Variants in LRRC4C observed in about 807,000 individuals in gnomAD.
LRRC4C encodes leucine-rich repeat-containing protein 4C.
In LRRC4C, 5 loss-of-function variants were observed where a neutral mutation model predicts 33.6. That is an observed-to-expected ratio of 0.15 (90% confidence interval 0.08 to 0.31). LRRC4C has a LOEUF of 0.31. Ranked by LOEUF, LRRC4C falls within the 10% of genes least tolerant of loss-of-function variation. The probability of loss-of-function intolerance (pLI) is 1.00; values close to 1 mark genes in which losing one functional copy is unlikely to be tolerated. For synonymous variants in LRRC4C, 329 were observed against 302.0 expected, an observed-to-expected ratio of 1.09 and a Z score of -0.93; for missense variants, 560 against 796.7, an observed-to-expected ratio of 0.70 and a Z score of 3.58.
chr11:41,311,506 C>T (rs149263427), intron 1 of LRRC4C, among the ~76,000 whole-genome samples: 3 of 152,248 alleles, frequency 2.0e-5, no homozygotes, highest in East Asian at 3.9e-4. Flanking sequence ...CTAACTTCCT[C>T]TACTGTATTT....
intron 1 of LRRC4C, among the ~76,000 whole-genome samples, chr11:41,285,469 A>T (rs1009378525): frequency 6.6e-6 from 1 of 152,242 alleles, no homozygotes; most frequent in African/African-American, 2.4e-5. Flanking sequence ...TAATAACATT[A>T]CATCCTTGCC....
chr11:40,218,853 GT>G (rs1864197843), intron 5 of LRRC4C, among the ~76,000 whole-genome samples: 1 of 151,668 alleles, frequency 6.6e-6, no homozygotes, highest in African/African-American at 2.4e-5. Context: ...CACTCACTCT[GT>G]TGCATCCACA....
intron 4 of LRRC4C, among the ~76,000 whole-genome samples, chr11:40,254,044 A>G (rs954543828): frequency 2.6e-5 from 4 of 152,180 alleles, no homozygotes; most frequent in Non-Finnish European, 5.9e-5. Flanking sequence ...TAGATAGTGA[A>G]AACAATTATC....
chr11:40,429,438 C>A (rs1950833131), intron 3 of LRRC4C, among the ~76,000 whole-genome samples: 1 of 152,158 alleles, frequency 6.6e-6, no homozygotes, highest in Non-Finnish European at 1.5e-5. Context: ...GGTATGTAAA[C>A]TTAGTTTCAT....
At chr11:40,226,415 G>A (rs977443105) in intron 5 of LRRC4C, among the ~76,000 whole-genome samples, 2 of 152,242 alleles carry the variant, frequency 1.3e-5, no homozygotes, top group African/African-American at 4.8e-5. Context: ...CCAGAATGCA[G>A]TTGTTGCCTT....
intron 1 of LRRC4C, among the ~76,000 whole-genome samples, chr11:41,168,936 A>G (rs1944849909): frequency 6.6e-6 from 1 of 152,152 alleles, no homozygotes; most frequent in Admixed American, 6.6e-5. Flanking sequence ...ACAATGCCCC[A>G]TGCCAGGAGA....
intron 1 of LRRC4C, among the ~76,000 whole-genome samples, chr11:41,230,994 C>A (rs1947766566): frequency 6.6e-6 from 1 of 151,674 alleles, no homozygotes; most frequent in Non-Finnish European, 1.5e-5. Context: ...ATTTATGCAA[C>A]CAACTGACAC....
intron 3 of LRRC4C, among the ~76,000 whole-genome samples, chr11:40,385,207 A>G (rs983770845): frequency 1.8e-4 from 28 of 152,206 alleles, no homozygotes; most frequent in South Asian, 1.0e-3. Context: ...GATGTCTGAA[A>G]TTTTCCTTCT....
At chr11:41,260,078 C>T (rs1459010509) in intron 1 of LRRC4C, among the ~76,000 whole-genome samples, 1 of 151,864 alleles carries the variant, frequency 6.6e-6, no homozygotes, top group African/African-American at 2.4e-5. Context: ...TATTTTTTGT[C>T]ATTTTTTAAA....
chr11:40,829,714 C>T (rs537355291), intron 2 of LRRC4C, among the ~76,000 whole-genome samples: 8 of 152,016 alleles, frequency 5.3e-5, no homozygotes, highest in Admixed American at 3.3e-4. Context: ...TTCATCAAAT[C>T]GTTAATATTT....
Position 40,385,863 on chromosome 11 carries a change from C to CAAATAAATAAATAAATAAATAAAT in LRRC4C, c.-269-66166_-269-66143dup, listed in dbSNP as rs60952313. Among the ~76,000 whole-genome samples the CAAATAAATAAATAAATAAATAAAT allele has an allele frequency of 5.0e-3, 692 of 138,174 alleles. 6 individuals are homozygous for CAAATAAATAAATAAATAAATAAAT. The highest frequency in any genetic ancestry group is 0.011 in the Middle Eastern group (3 of 278). The allele number at this position is 138,174 out of a possible 152,430, so 90.6% of individuals were successfully genotyped here. A position where few individuals can be genotyped will look rare whatever the true frequency, so the allele number is the denominator to read the frequency against. ...GCCTGGCAACAGAGTGAGACTCTGT[C>CAAATAAATAAATAAATAAATAAAT]AAATAAATAAATAAATAAATAAATA... is the stretch of plus-strand genomic sequence containing the variant. On this transcript the variant is annotated intron_variant, in intron 3 of 6. Transcript: ENST00000528697.
intron 3 of LRRC4C, among the ~76,000 whole-genome samples, chr11:40,346,237 GAC>G (rs1947124257): frequency 6.6e-6 from 1 of 152,090 alleles, no homozygotes; most frequent in African/African-American, 2.4e-5. Flanking sequence ...CTGTTACAAA[GAC>G]ACATGCATTT....
intron 3 of LRRC4C, among the ~76,000 whole-genome samples, chr11:40,515,763 C>A (rs1425908409): frequency 6.6e-6 from 1 of 151,958 alleles, no homozygotes; most frequent in Non-Finnish European, 1.5e-5. Context: ...GTTTTTCCTG[C>A]TTAAATATTT....
chr11:40,126,575 G>A (rs886998595), intron 6 of LRRC4C, among the ~76,000 whole-genome samples: 3 of 152,158 alleles, frequency 2.0e-5, no homozygotes, highest in Non-Finnish European at 2.9e-5. Flanking sequence ...ATGCATATAG[G>A]TACTAGTGTA....
chr11:40,793,718 C>T (rs1489666204), intron 2 of LRRC4C, among the ~76,000 whole-genome samples: 2 of 152,080 alleles, frequency 1.3e-5, no homozygotes, highest in Non-Finnish European at 2.9e-5. Flanking sequence ...GAATGTGTGG[C>T]ATATATTTAA....
chr11:40,409,310 G>GA (rs541593418), intron 3 of LRRC4C, among the ~76,000 whole-genome samples: 2 of 151,150 alleles, frequency 1.3e-5, no homozygotes, highest in Non-Finnish European at 3.0e-5. Flanking sequence ...GAAAACATAG[G>GA]AAAAAAAATT....
At chr11:40,644,230 G>T (rs1942301198) in intron 3 of LRRC4C, among the ~76,000 whole-genome samples, 1 of 152,138 alleles carries the variant, frequency 6.6e-6, no homozygotes, top group Non-Finnish European at 1.5e-5. Context: ...TAATAGCATG[G>T]CCGTAAAGCG....
intron 1 of LRRC4C, among the ~76,000 whole-genome samples, chr11:41,240,967 A>G (rs1948227334): frequency 6.6e-6 from 1 of 152,196 alleles, no homozygotes; most frequent in Admixed American, 6.5e-5. Flanking sequence ...CCACCATTTT[A>G]CTGTGGAAAG....
intron 5 of LRRC4C, among the ~76,000 whole-genome samples, chr11:40,184,614 G>C (rs950729252): frequency 2.0e-5 from 3 of 152,110 alleles, no homozygotes; most frequent in African/African-American, 7.2e-5. Context: ...TCCGAGTGGC[G>C]AAGTCTATGA....
Sources: allele counts gnomAD v4.1 joint callset (sites outside exome capture counted in the v4.1 genomes callset), GRCh38; gene constraint gnomAD v4.1.1; transcripts MANE v1.5; gene names NCBI Gene and HGNC (gene_info 2026-07-23, HGNC 2026-07-21).